SLC8A1: variants seen among roughly 807,000 people sequenced by gnomAD.
The protein encoded by SLC8A1 is sodium/calcium exchanger 1.
A neutral mutation model predicts 68.3 loss-of-function variants in SLC8A1; 18 were observed. That is an observed-to-expected ratio of 0.26 (90% CI 0.18 to 0.39). The LOEUF is 0.39. SLC8A1 is among the 10% of genes least tolerant of loss of function. The probability of loss-of-function intolerance (pLI) is 1.00; values close to 1 mark genes in which losing one functional copy is unlikely to be tolerated. For missense variants in SLC8A1, 985 were observed against 1,156.7 expected, an observed-to-expected ratio of 0.85 and a Z score of 2.15; for synonymous variants, 475 against 415.5, an observed-to-expected ratio of 1.14 and a Z score of -1.74.
intron 2 of SLC8A1, among the ~76,000 whole-genome samples, chr2:40,288,228 T>C (rs1483812418): frequency 1.3e-5 from 2 of 152,198 alleles, no homozygotes; most frequent in African/African-American, 4.8e-5. Flanking sequence ...TTCACACATA[T>C]GACCTGAAAC....
At chr2:40,231,274 C>G (rs376052524) in intron 2 of SLC8A1, among the ~76,000 whole-genome samples, 1 of 152,098 alleles carries the variant, frequency 6.6e-6, no homozygotes. Flanking sequence ...TATGTATGCA[C>G]ATATATTAGA....
intron 1 of SLC8A1, among the ~76,000 whole-genome samples, chr2:40,496,682 T>C (rs1156970510): frequency 6.6e-6 from 1 of 152,038 alleles, no homozygotes; most frequent in Non-Finnish European, 1.5e-5. Flanking sequence ...GATGAGTTTG[T>C]ATAGTCCTTA....
At chr2:40,309,707 T>C (rs961993519) in intron 2 of SLC8A1, among the ~76,000 whole-genome samples, 1 of 152,112 alleles carries the variant, frequency 6.6e-6, no homozygotes, top group Non-Finnish European at 1.5e-5. Context: ...GGTTTCACTA[T>C]GTTGGCCAGG....
intron 2 of SLC8A1, among the ~76,000 whole-genome samples, chr2:40,287,590 GT>G (rs2068536644): frequency 7.2e-6 from 1 of 139,332 alleles, no homozygotes; most frequent in African/African-American, 3.2e-5. Context: ...TGATGTGTGT[GT>G]GTGTGTGTGT....
At chr2:40,190,009 C>T (rs959450880) in intron 2 of SLC8A1, 3 of 152,154 alleles carry the variant, frequency 2.0e-5, no homozygotes, top group Non-Finnish European at 4.4e-5. Flanking sequence ...CATTACTAAC[C>T]TTTTGGCTGG....
chr2:40,252,916 TATATAC>T, intron 2 of SLC8A1, among the ~76,000 whole-genome samples: 1 of 140,212 alleles, frequency 7.1e-6, no homozygotes, highest in Non-Finnish European at 1.5e-5. Flanking sequence ...TATATGTGTA[TATATAC>T]ATACATGTAT....
intron 2 of SLC8A1, among the ~76,000 whole-genome samples, chr2:40,395,160 A>G (rs1686518678): frequency 1.3e-5 from 2 of 152,194 alleles, no homozygotes; most frequent in Non-Finnish European, 2.9e-5. Flanking sequence ...AACAAAAGCA[A>G]CAACTAAAGA....
At chr2:40,392,245 G>GAAGCAAGCAAGC (rs148095673) in intron 2 of SLC8A1, among the ~76,000 whole-genome samples, 1 of 150,910 alleles carries the variant, frequency 6.6e-6, no homozygotes, top group African/African-American at 2.4e-5. Flanking sequence ...AAAGAGAAAG[G>GAAGCAAGCAAGC]AAGCAAGCAA....
At chr2:40,344,309 A>G (rs1196633490) in intron 2 of SLC8A1, among the ~76,000 whole-genome samples, 1 of 152,108 alleles carries the variant, frequency 6.6e-6, no homozygotes, top group Non-Finnish European at 1.5e-5. Context: ...TTTTTGCATG[A>G]TTCTTTTAAG....
intron 2 of SLC8A1, among the ~76,000 whole-genome samples, chr2:40,319,616 T>A: frequency 6.6e-6 from 1 of 152,054 alleles, no homozygotes; most frequent in Non-Finnish European, 1.5e-5. Context: ...TCCCATATAT[T>A]ATATATGAGC....
At chr2:40,449,356 G>T (rs1288421654) in intron 1 of SLC8A1, among the ~76,000 whole-genome samples, 3 of 152,100 alleles carry the variant, frequency 2.0e-5, no homozygotes, top group Non-Finnish European at 1.5e-5. Flanking sequence ...ATACTAAGAG[G>T]AATCATGTGT....
chr2:40,310,290 G>A (rs1048012217), intron 2 of SLC8A1, among the ~76,000 whole-genome samples: 2 of 152,194 alleles, frequency 1.3e-5, no homozygotes, highest in Non-Finnish European at 2.9e-5. Context: ...GTAGCCCTAA[G>A]GGTTATGGGA....
chr2:40,259,634 AC>A (rs1364310619), intron 2 of SLC8A1, among the ~76,000 whole-genome samples: 1 of 152,082 alleles, frequency 6.6e-6, no homozygotes, highest in East Asian at 1.9e-4. Flanking sequence ...TGCCCTGCTA[AC>A]CCCATCTCAA....
At chr2:40,323,552 T>G (rs1369962847) in intron 2 of SLC8A1, among the ~76,000 whole-genome samples, 1 of 152,120 alleles carries the variant, frequency 6.6e-6, no homozygotes, top group African/African-American at 2.4e-5. Flanking sequence ...TAACACTCAT[T>G]CCGTAAATAT....
chr2:40,482,673 C>CA (rs1704706535), intron 1 of SLC8A1, among the ~76,000 whole-genome samples: 1 of 152,132 alleles, frequency 6.6e-6, no homozygotes, highest in Non-Finnish European at 1.5e-5. Context: ...AGCCTGTCTC[C>CA]AGTCTTTGCT....
rs180756251 is a variant in SLC8A1 at position 40,220,025 on chromosome 2, T to A, written c.1809-42170A>T. 5.9e-5 allele frequency: 9 copies of A among 152,194 alleles called. No homozygotes were observed. The East Asian group carries it at 1.7e-3, about 29-fold the overall frequency. 9.4% of individuals were successfully genotyped at this position (152,194 alleles called of 1,614,324 possible). A position where few individuals can be genotyped will look rare whatever the true frequency, so the allele number is the denominator to read the frequency against. The stretch of plus-strand genomic sequence containing the variant: ...TACATCTCTATTTCTTATGTATAAT[T>A]TTTTATCTCAGGCCAATGAGCCCAA... On this transcript the variant is annotated intron_variant, in intron 2 of 7. Transcript: ENST00000406785.
intron 2 of SLC8A1, among the ~76,000 whole-genome samples, chr2:40,386,321 A>G (rs191119814): frequency 2.7e-5 from 4 of 150,626 alleles, no homozygotes; most frequent in African/African-American, 9.9e-5. Flanking sequence ...CAAATGGTAA[A>G]TGTGTGTGTG....
chr2:40,381,888 C>T (rs1681930279), intron 2 of SLC8A1, among the ~76,000 whole-genome samples: 1 of 151,888 alleles, frequency 6.6e-6, no homozygotes. Context: ...CCATACCTCT[C>T]CCTAATTCCT....
chr2:40,206,333 T>G (rs1480452152), intron 2 of SLC8A1, among the ~76,000 whole-genome samples: 1 of 152,076 alleles, frequency 6.6e-6, no homozygotes, highest in Non-Finnish European at 1.5e-5. Context: ...AACATTTATT[T>G]TAATCTGTCC....
Sources: gnomAD v4.1 joint callset for allele counts (sites outside exome capture counted in the v4.1 genomes callset) on GRCh38, gnomAD v4.1.1 for gene constraint, MANE v1.5 for transcripts, NCBI Gene and HGNC (gene_info 2026-07-23, HGNC 2026-07-21) for gene names.